SOBP: variants seen among roughly 807,000 people sequenced by gnomAD.
SOBP encodes sine oculis-binding protein homolog.
SOBP carries 4 observed loss-of-function variants against 53.6 expected under a neutral mutation model. That is an observed-to-expected ratio of 0.07 (90% CI 0.04 to 0.17). The LOEUF (loss-of-function observed/expected upper bound fraction) is 0.17, where lower values mean the gene tolerates loss of function less well. Ranked by LOEUF, SOBP falls within the 10% of genes least tolerant of loss-of-function variation. The pLI is 1.00. For synonymous variants in SOBP, 584 were observed against 522.6 expected (o/e 1.12, Z -1.60); for missense variants, 1,088 against 1,204.7 (o/e 0.90, Z 1.43).
intron 3 of SOBP, among the ~76,000 whole-genome samples, chr6:107,523,718 C>A (rs1395523303): frequency 1.3e-5 from 2 of 152,230 alleles, no homozygotes; most frequent in African/African-American, 4.8e-5. Context: ...GCTTGTGCTC[C>A]CCTCCAGTGG....
chr6:107,590,073 T>G (rs1200875127), intron 5 of SOBP, among the ~76,000 whole-genome samples: 1 of 152,236 alleles, frequency 6.6e-6, no homozygotes, highest in East Asian at 1.9e-4. Context: ...CTTCTGGGAC[T>G]AGAAGGCTTC....
intron 4 of SOBP, among the ~76,000 whole-genome samples, chr6:107,565,875 G>A (rs1358792164): frequency 6.6e-6 from 1 of 152,234 alleles, no homozygotes; most frequent in Admixed American, 6.5e-5. Flanking sequence ...CGCACCTCCT[G>A]TGCAGGGAAA....
chr6:107,606,181 A>C (rs1435622331), intron 5 of SOBP, among the ~76,000 whole-genome samples: 1 of 143,028 alleles, frequency 7.0e-6, no homozygotes, highest in Non-Finnish European at 1.5e-5. Flanking sequence ...GGTTCATGCA[A>C]TTCTCCTGCC....
intron 4 of SOBP, among the ~76,000 whole-genome samples, chr6:107,550,289 G>A (rs1201876381): frequency 1.3e-5 from 2 of 152,192 alleles, no homozygotes; most frequent in Non-Finnish European, 2.9e-5. Flanking sequence ...CTCAGAGGAT[G>A]GAACTTGTCT....
intron 4 of SOBP, among the ~76,000 whole-genome samples, chr6:107,559,197 A>T (rs1487714527): frequency 6.6e-6 from 1 of 152,248 alleles, no homozygotes; most frequent in Non-Finnish European, 1.5e-5. Flanking sequence ...AAATGTTAAA[A>T]AAAAAAGCTA....
chr6:107,545,167 A>G (rs562882365), intron 4 of SOBP, among the ~76,000 whole-genome samples: 4 of 152,344 alleles, frequency 2.6e-5, no homozygotes, highest in South Asian at 2.1e-4. Context: ...GATAAATGAG[A>G]TAAGTCACTT....
intron 4 of SOBP, among the ~76,000 whole-genome samples, chr6:107,554,672 T>A (rs1784556628): frequency 2.6e-5 from 4 of 151,614 alleles, no homozygotes; most frequent in African/African-American, 9.7e-5. Context: ...GGACACAGAG[T>A]GGGTTTGGTG....
chr6:107,602,103 T>C (rs926463302), intron 5 of SOBP, among the ~76,000 whole-genome samples: 2 of 152,234 alleles, frequency 1.3e-5, no homozygotes, highest in African/African-American at 4.8e-5. Context: ...TCCTTCTCTT[T>C]TTTTCCTAAA....
intron 5 of SOBP, among the ~76,000 whole-genome samples, chr6:107,629,014 G>A (rs904244738): frequency 6.6e-6 from 1 of 152,128 alleles, no homozygotes; most frequent in Non-Finnish European, 1.5e-5. Flanking sequence ...TGATTTTTGA[G>A]CTGGCCTAGA....
Position 107,503,637 on chromosome 6 carries a change from A to T in SOBP, c.97-20A>T, listed in dbSNP as rs1357022392. The T allele has an allele frequency of 4.3e-6, 7 of 1,613,482 alleles. No homozygotes were observed. In the Admixed American group the frequency reaches 1.2e-4, roughly 27 times the overall value. On this transcript the variant is annotated intron_variant, in intron 1 of 6. Coordinates refer to ENST00000317357, the MANE Select transcript of SOBP (RefSeq NM_018013.4). ...GTTATTGATTATAGAAATAAGTAGT[A>T]GCCTATGCTTCTCTTTCAGAACTTT...
At chr6:107,603,410 G>A (rs972425429) in intron 5 of SOBP, among the ~76,000 whole-genome samples, 6 of 152,210 alleles carry the variant, frequency 3.9e-5, no homozygotes, top group African/African-American at 1.2e-4. Flanking sequence ...TGTGGGCTAC[G>A]TTTGTGGCAT....
intron 3 of SOBP, chr6:107,529,400 T>C (rs2114982000): frequency 1.0e-6 from 1 of 974,636 alleles, no homozygotes. Flanking sequence ...GACTGCCTTG[T>C]AACTTGTCTC....
chr6:107,580,378 G>A (rs1045680467), intron 4 of SOBP, among the ~76,000 whole-genome samples: 1 of 152,226 alleles, frequency 6.6e-6, no homozygotes, highest in African/African-American at 2.4e-5. Flanking sequence ...GCAGTTCAGA[G>A]TAGAGAAAAA....
intron 4 of SOBP, among the ~76,000 whole-genome samples, chr6:107,576,090 A>C (rs754656952): frequency 7.9e-5 from 12 of 152,092 alleles, no homozygotes; most frequent in Non-Finnish European, 1.3e-4. Flanking sequence ...TTTCTTCCTT[A>C]AGTCTGATAG....
chr6:107,634,039 A>G lies in SOBP; in HGVS notation c.1195A>G (p.Met399Val), dbSNP rs775396165. Residue 399 changes from methionine (M) to valine (V), a missense_variant, in exon 6 of 7, where the codon ATG (methionine) becomes GTG (valine). By Grantham distance (21) the Met-to-Val change is conservative. This residue lies in a region of SOBP where 211 missense variants were observed against 258.9 expected (regional missense o/e 0.82). Coordinates refer to ENST00000317357, the MANE Select transcript of SOBP (RefSeq NM_018013.4). This position sits in a 1 kb window ranked among gnomAD's most constrained non-coding sequence, Gnocchi z 4.5. ...CGGCCCGGTGCCGCTGCCCATCTTC[A>G]TGGAGCAGCAGATCATGCAGCAGAT... is the stretch of plus-strand genomic sequence containing the variant. Reference protein sequence around the residue: ...NRGPVPLPIFMEQQIMQQIRP... With the variant: ...NRGPVPLPIFVEQQIMQQIRP... 8 of 1,610,156 alleles carry G rather than the reference A, an allele frequency of 5.0e-6. No individual in the cohort carries two copies. Among genetic ancestry groups the G allele is most frequent in the Non-Finnish European group, 5.1e-6 (6 of 1,178,070 alleles).
intron 5 of SOBP, among the ~76,000 whole-genome samples, chr6:107,626,831 G>A (rs954482695): frequency 2.6e-5 from 4 of 151,690 alleles, no homozygotes; most frequent in African/African-American, 4.8e-5. Flanking sequence ...AGGCAGGGTC[G>A]TCACTGTGGA....
chr6:107,571,689 G>A (rs773707330), intron 4 of SOBP, among the ~76,000 whole-genome samples: 8 of 152,196 alleles, frequency 5.3e-5, no homozygotes, highest in Non-Finnish European at 7.3e-5. Flanking sequence ...CGGGGTCTCC[G>A]TGGAGTCTTT....
chr6:107,508,222 T>C (rs1269581471), intron 3 of SOBP, among the ~76,000 whole-genome samples: 3 of 152,228 alleles, frequency 2.0e-5, no homozygotes, highest in Non-Finnish European at 4.4e-5. Flanking sequence ...CACTGTATTC[T>C]AAGTGTTACT....
rs559311687 is a variant in SOBP at position 107,560,781 on chromosome 6, A to T, written c.574-26299A>T. The stretch of plus-strand genomic sequence containing the variant: ...GGACTCAAGTCTTTTTCCCCACCAG[A>T]CTGTGGAGGTGGGTATACATGGCCA... On this transcript the variant is annotated intron_variant, in intron 4 of 6. Transcript: ENST00000317357. Among the ~76,000 whole-genome samples the T allele has an allele frequency of 2.6e-5, 4 of 152,118 alleles. No individual in the cohort carries two copies. In the East Asian group the frequency reaches 7.8e-4, roughly 29 times the overall value.
Sources: allele counts gnomAD v4.1 joint callset (sites outside exome capture counted in the v4.1 genomes callset), GRCh38; gene constraint gnomAD v4.1.1; regional missense constraint gnomAD v4.1.1; non-coding constraint Gnocchi (gnomAD v3.1); transcripts MANE v1.5; gene names NCBI Gene and HGNC (gene_info 2026-07-23, HGNC 2026-07-21).